The following MINK1 variants were observed in gnomAD, a reference collection of about 807,000 sequenced individuals.
MINK1 encodes the protein misshapen like kinase 1.
MINK1 carries 46 observed loss-of-function variants against 178.4 expected under a neutral mutation model. The observed-to-expected ratio is 0.26, with a 90% CI of 0.20 to 0.33. MINK1 has a LOEUF of 0.33. Ranked by LOEUF, MINK1 falls within the 10% of genes least tolerant of loss-of-function variation. The pLI, the probability that MINK1 is intolerant of heterozygous loss-of-function variation, is 1.00. For missense variants in MINK1, 1,366 were observed against 1,814.9 expected (o/e 0.75, Z 4.49); for synonymous variants, 797 against 709.7 (o/e 1.12, Z -1.96).
rs773442364 is a variant in MINK1, at chr17:4,886,609, A to C, written c.932A>C (p.Lys311Thr). The change falls in exon 10 of 32, where the codon AAG (lysine) becomes ACG (threonine). Residue 311 changes from lysine (K) to threonine (T), a missense_variant. Physicochemically the swap from Lys to Thr is moderately conservative, Grantham distance 78. This residue lies in a region of MINK1 where 23 missense variants were observed against 30.2 expected (regional missense o/e 0.76). Transcript: ENST00000355280. The surrounding 1 kb of genome is among the most constrained non-coding windows in gnomAD (Gnocchi z 6.1). ...QLKDHIDRSR[K>T]KRGEKEETEY... ...AAGGACCACATTGACCGATCCCGGAAGAAGCGGGGTGAGAAAGGTCAGTGG... is the reference window on the plus strand; with the variant it reads ...AAGGACCACATTGACCGATCCCGGACGAAGCGGGGTGAGAAAGGTCAGTGG... 6.3e-7 allele frequency: 1 copy of C among 1,598,956 alleles called. No homozygotes were observed. Among genetic ancestry groups the C allele is most frequent in the East Asian group, 2.2e-5 (1 of 44,736 alleles).
chr17:4,885,428 G>A lies in MINK1; in HGVS notation c.509-55G>A, dbSNP rs963442090. The A allele has an allele frequency of 3.8e-6, 6 of 1,598,440 alleles. No homozygotes were observed. The South Asian group carries it at 4.5e-5, about 12-fold the overall frequency. On this transcript the variant is annotated intron_variant, in intron 6 of 31. Coordinates refer to ENST00000355280, the MANE Select transcript of MINK1 (RefSeq NM_153827.5). This position sits in a 1 kb window ranked among gnomAD's most constrained non-coding sequence, Gnocchi z 5.0. The stretch of plus-strand genomic sequence containing the variant: ...CCTGTGTGTGCACGCAGGGATGTGA[G>A]GCAAGGGAGCAGAGGTGACTCCCCA...
intron 1 of MINK1, among the ~76,000 whole-genome samples, chr17:4,839,168 C>T (rs145871618): frequency 2.6e-5 from 4 of 152,172 alleles, no homozygotes; most frequent in Non-Finnish European, 4.4e-5. Flanking sequence ...TGGTCTTGAT[C>T]TCCTGACCTT....
intron 1 of MINK1, chr17:4,851,026 G>A (rs1261863186): frequency 2.2e-6 from 1 of 459,586 alleles, no homozygotes; most frequent in Non-Finnish European, 4.4e-6. Flanking sequence ...CACAGATCTG[G>A]TTTTCCTCCC....
intron 4 of MINK1, chr17:4,883,095 T>C (rs1198728944): frequency 1.4e-5 from 2 of 146,040 alleles, no homozygotes; most frequent in Non-Finnish European, 3.0e-5. Flanking sequence ...CACTCCACTC[T>C]GGGCGACAGA....
intron 1 of MINK1, among the ~76,000 whole-genome samples, chr17:4,834,296 C>T (rs1314521766): frequency 2.0e-5 from 3 of 152,144 alleles, no homozygotes; most frequent in Non-Finnish European, 4.4e-5. Flanking sequence ...ACCAACTCTG[C>T]AGCAGCGTGG....
rs1319514322 is a variant in MINK1 at position 4,863,223 on chromosome 17, C to T, written c.58-15094C>T. 2.0e-5 allele frequency among the ~76,000 whole-genome samples: 3 copies of T among 152,128 alleles called. No homozygotes were observed. In the East Asian group the frequency reaches 5.8e-4, roughly 29 times the overall value. The stretch of plus-strand genomic sequence containing the variant: ...GGATAGCTAGAGTCAGTTGGTCACT[C>T]TCCCGCTTCTGTCTCCCCCTGTAGT... On this transcript the variant is annotated intron_variant, in intron 1 of 31. Transcript: ENST00000355280.
At chr17:4,889,145 A>G (rs990531893) in intron 12 of MINK1, among the ~76,000 whole-genome samples, 2 of 152,188 alleles carry the variant, frequency 1.3e-5, no homozygotes, top group African/African-American at 4.8e-5. Context: ...CGTGAAAGCC[A>G]CCACAGAAAT....
intron 13 of MINK1, chr17:4,890,214 T>A: frequency 8.4e-6 from 4 of 475,718 alleles, no homozygotes; most frequent in Non-Finnish European, 5.9e-6. Flanking sequence ...CCACACCCCG[T>A]CCCCCAGGAA....
At chr17:4,875,569 T>C in intron 1 of MINK1, 1 of 441,702 alleles carries the variant, frequency 2.3e-6, no homozygotes, top group South Asian at 1.6e-5. Flanking sequence ...GGTCAAGAGT[T>C]TGAGACCAGT....
In MINK1 at chr17:4,895,953, C is replaced by A; in HGVS notation, c.3365-50C>A. On this transcript the variant is annotated intron_variant, in intron 27 of 31. Coordinates refer to ENST00000355280, the MANE Select transcript of MINK1 (RefSeq NM_153827.5). The surrounding 1 kb of genome is among the most constrained non-coding windows in gnomAD (Gnocchi z 4.3). ...TAGTGACAGACCACGGGGAGGCGCC[C>A]GTGGCGCAAGAAGGGAAGTCTCAGC... 6.4e-7 allele frequency: 1 copy of A among 1,567,154 alleles called. No individual in the cohort carries two copies. Among genetic ancestry groups the A allele is most frequent in the Non-Finnish European group, 8.7e-7 (1 of 1,155,750 alleles).
intron 17 of MINK1, 66 bp downstream of exon 17, chr17:4,892,300 A>C (rs1968909198): frequency 3.3e-6 from 5 of 1,501,198 alleles, no homozygotes; most frequent in Non-Finnish European, 4.5e-6. Flanking sequence ...GGGGGGGCAC[A>C]GGGACTTTAC....
chr17:4,864,423 T>A (rs1040453838), intron 1 of MINK1, among the ~76,000 whole-genome samples: 1 of 141,418 alleles, frequency 7.1e-6, no homozygotes, highest in Non-Finnish European at 1.5e-5. Context: ...AATTAATTAA[T>A]TAAATAAAGG....
rs201604019 is a variant in MINK1 at position 4,891,196 on chromosome 17, G to GCACA, written c.1740+73_1740+74insACAC. ...GTTCAGAGCACAGGTACACACACACGCGCGCACACACACACACACACACAC... is the reference window on the plus strand; with the variant it reads ...GTTCAGAGCACAGGTACACACACACGCACACGCGCACACACACACACACACACAC... On this transcript the variant is annotated intron_variant, in intron 15 of 31. Coordinates refer to ENST00000355280, the MANE Select transcript of MINK1 (RefSeq NM_153827.5). 10 of 849,962 alleles carry GCACA rather than the reference G, an allele frequency of 1.2e-5. No individual in the cohort carries two copies. The African/African-American group carries it at 1.3e-4, about 11-fold the overall frequency. The allele number at this position is 849,962 out of a possible 1,614,324, so 52.7% of individuals were successfully genotyped here.
rs1388852097 is a variant in MINK1 at position 4,889,705 on chromosome 17, T to C, written c.1289T>C (p.Leu430Pro). 1.9e-6 allele frequency: 3 copies of C among 1,557,024 alleles called. No homozygotes were observed. Among genetic ancestry groups the C allele is most frequent in the Non-Finnish European group, 2.6e-6 (3 of 1,153,234 alleles). Residue 430 changes from leucine to proline, a missense_variant, in exon 13 of 32, where the codon CTG (leucine) becomes CCG (proline). Coordinates refer to ENST00000355280, the MANE Select transcript of MINK1 (RefSeq NM_153827.5). Reference sequence around the variant, plus strand: ...CAGGAGAAGGAGCAGCAGCGGCGGCTGGAGGACATGCAGGCTCTGCGGCGG... The same window carrying C: ...CAGGAGAAGGAGCAGCAGCGGCGGCCGGAGGACATGCAGGCTCTGCGGCGG... ...KLQEKEQQRR[L>P]EDMQALRREE...
intron 1 of MINK1, among the ~76,000 whole-genome samples, chr17:4,849,902 G>C (rs1597395706): frequency 6.6e-6 from 1 of 152,040 alleles, no homozygotes; most frequent in Non-Finnish European, 1.5e-5. Context: ...CTTCCTTAGC[G>C]AGCCTTTCCT....
rs564556618 is a variant in MINK1 at position 4,833,398 on chromosome 17, G to A, written c.-186G>A. 5.6e-6 allele frequency: 3 copies of A among 533,380 alleles called. No individual in the cohort carries two copies. Among genetic ancestry groups the A allele is most frequent in the African/African-American group, 2.0e-5 (1 of 49,078 alleles). 33.0% of individuals were successfully genotyped at this position (533,380 alleles called of 1,614,324 possible). A position where few individuals can be genotyped will look rare whatever the true frequency, so the allele number is the denominator to read the frequency against. On this transcript the variant is annotated 5_prime_UTR_variant, in exon 1 of 32. Transcript: ENST00000355280. The surrounding 1 kb of genome is among the most constrained non-coding windows in gnomAD (Gnocchi z 4.8). ...GTGGTAGGCTCGGGTGGCTGGCTCC[G>A]GGGAGATAGCGCCTGTCAGTCGGTG...
At chr17:4,873,078 T>C (rs945647574) in intron 1 of MINK1, among the ~76,000 whole-genome samples, 1 of 152,176 alleles carries the variant, frequency 6.6e-6, no homozygotes, top group Non-Finnish European at 1.5e-5. Context: ...CTGGCTGCTC[T>C]GCCGCATTCG....
At position 4,889,696 on chromosome 17, in the gene MINK1, A is replaced by G. The variant is rs770671673; in HGVS notation, c.1280A>G (p.Gln427Arg). ...EQRKLQEKEQ[Q>R]RRLEDMQALR... ...CGGAAGCTGCAGGAGAAGGAGCAGCAGCGGCGGCTGGAGGACATGCAGGCT... is the reference window on the plus strand; with the variant it reads ...CGGAAGCTGCAGGAGAAGGAGCAGCGGCGGCGGCTGGAGGACATGCAGGCT... Residue 427 changes from glutamine (Q) to arginine (R), a missense_variant, in exon 13 of 32, where the codon CAG becomes CGG. Around this residue, in one of 14 missense-constraint regions of MINK1, gnomAD observed 87 missense variants for 78.9 expected, o/e 1.10. Coordinates refer to ENST00000355280, the MANE Select transcript of MINK1 (RefSeq NM_153827.5). The G allele has an allele frequency of 3.6e-5, 56 of 1,559,312 alleles. No individual in the cohort carries two copies. Among genetic ancestry groups the G allele is most frequent in the Non-Finnish European group, 4.5e-5 (52 of 1,154,176 alleles).
intron 1 of MINK1, among the ~76,000 whole-genome samples, chr17:4,867,692 A>G (rs1334986643): frequency 6.6e-6 from 1 of 151,936 alleles, no homozygotes; most frequent in African/African-American, 2.4e-5. Context: ...GAGGCTGGTA[A>G]TCACAGCTAC....
Sources: allele counts gnomAD v4.1 joint callset (sites outside exome capture counted in the v4.1 genomes callset), GRCh38; gene constraint gnomAD v4.1.1; regional missense constraint gnomAD v4.1.1; non-coding constraint Gnocchi (gnomAD v3.1); transcripts MANE v1.5; gene names NCBI Gene and HGNC (gene_info 2026-07-23, HGNC 2026-07-21).